The following USP25 variants were observed in gnomAD, a reference collection of about 807,000 sequenced individuals.
The protein encoded by USP25 is ubiquitin specific peptidase 25.
In USP25, 85 loss-of-function variants were observed where a neutral mutation model predicts 158.5. That is an observed-to-expected ratio of 0.54 (90% confidence interval 0.45 to 0.64). The LOEUF is 0.64. Ranked by LOEUF, USP25 falls within the 30% of genes least tolerant of loss-of-function variation. The pLI, the probability that USP25 is intolerant of heterozygous loss-of-function variation, is 0.00. For synonymous variants in USP25, 464 were observed against 460.4 expected (o/e 1.01, Z -0.10); for missense variants, 1,242 against 1,327.3 (o/e 0.94, Z 1.00).
chr21:15,846,148 A>T (rs1568882574), intron 18 of USP25, among the ~76,000 whole-genome samples: 5 of 60,670 alleles, frequency 8.2e-5, no homozygotes, highest in African/African-American at 2.6e-4. Flanking sequence ...ATATATATAT[A>T]TATATATATA....
At chr21:15,791,394 C>G in intron 4 of USP25, 108 bp from the exon 5 acceptor site, 1 of 1,192,476 alleles carries the variant, frequency 8.4e-7, no homozygotes, top group Non-Finnish European at 1.1e-6. Flanking sequence ...ATTATTTCTT[C>G]AAATACATTA....
At chr21:15,743,314 G>T (rs531185826) in intron 1 of USP25, among the ~76,000 whole-genome samples, 2 of 152,300 alleles carry the variant, frequency 1.3e-5, no homozygotes, top group African/African-American at 4.8e-5. Flanking sequence ...GCCGTTCTTT[G>T]TTCCCACCGT....
At chr21:15,791,095 G>T (rs1256267446) in intron 4 of USP25, among the ~76,000 whole-genome samples, 2 of 151,716 alleles carry the variant, frequency 1.3e-5, no homozygotes, top group African/African-American at 4.8e-5. Context: ...AGTGCAACTT[G>T]TTCAGTTTTT....
chr21:15,827,280 C>G, intron 14 of USP25, 77 bp downstream of exon 14: 1 of 1,188,134 alleles, frequency 8.4e-7, no homozygotes, highest in South Asian at 1.4e-5. Flanking sequence ...AGGGAAATCA[C>G]GTCTGGATTT....
intron 1 of USP25, among the ~76,000 whole-genome samples, chr21:15,732,612 C>A (rs574485416): frequency 6.6e-6 from 1 of 152,264 alleles, no homozygotes; most frequent in African/African-American, 2.4e-5. Context: ...AGCCAGTTTT[C>A]TTCTCACCTT....
At chr21:15,849,609 T>C (rs2038791528) in intron 19 of USP25, among the ~76,000 whole-genome samples, 168 bp from the exon 20 acceptor site, 1 of 152,206 alleles carries the variant, frequency 6.6e-6, no homozygotes, top group Admixed American at 6.5e-5. Context: ...AGCTGTGCCC[T>C]GTATGGATGA....
At chr21:15,784,327 C>CT (rs1166367908) in intron 4 of USP25, among the ~76,000 whole-genome samples, 3 of 152,116 alleles carry the variant, frequency 2.0e-5, no homozygotes, top group African/African-American at 7.2e-5. Flanking sequence ...AATGCCAGCA[C>CT]TTTCGGAGGC....
chr21:15,764,530 A>G (rs2123416868), intron 2 of USP25, among the ~76,000 whole-genome samples: 1 of 152,174 alleles, frequency 6.6e-6, no homozygotes, highest in South Asian at 2.1e-4. Flanking sequence ...CTGTAATGTC[A>G]TTGATTAATT....
At chr21:15,776,394 ATCT>A (rs1368697521) in intron 3 of USP25, among the ~76,000 whole-genome samples, 2 of 152,208 alleles carry the variant, frequency 1.3e-5, no homozygotes, top group East Asian at 1.9e-4. Context: ...CATATTTTAA[ATCT>A]TCTTACAAGC....
chr21:15,785,512 C>G (rs1310089265), intron 4 of USP25, among the ~76,000 whole-genome samples: 1 of 152,076 alleles, frequency 6.6e-6, no homozygotes. Flanking sequence ...AAATCAACAA[C>G]AAGAAAAACG....
intron 9 of USP25, among the ~76,000 whole-genome samples, chr21:15,813,636 A>G (rs2036786202): frequency 6.6e-6 from 1 of 151,982 alleles, no homozygotes; most frequent in South Asian, 2.1e-4. Context: ...TTTCTTTCTC[A>G]TCAATATTTA....
In USP25 at chr21:15,842,500, A is replaced by T; in HGVS notation, c.2297A>T (p.His766Leu). Reference protein sequence around the residue: ...ETIQIITKASHEHEDKSPETV... With the variant: ...ETIQIITKASLEHEDKSPETV... ...ATTCAAATAATTACCAAGGCATCAC[A>T]TGAGCATGAAGATAAAAGTCCTGAA... Residue 766 changes from histidine (H) to leucine (L), a missense_variant, in exon 18 of 26, where the codon CAT becomes CTT. By Grantham distance (99) the His-to-Leu change is moderately conservative (BLOSUM62 -3). Around this residue, in one of 3 missense-constraint regions of USP25, gnomAD observed 608 missense variants for 605.2 expected, o/e 1.00. Transcript: ENST00000400183. 6.2e-7 allele frequency: 1 copy of T among 1,613,774 alleles called. No individual in the cohort carries two copies. Among genetic ancestry groups the T allele is most frequent in the Non-Finnish European group, 8.5e-7 (1 of 1,179,732 alleles).
chr21:15,805,284 A>G, intron 7 of USP25, 26 bp downstream of exon 7: 2 of 1,557,048 alleles, frequency 1.3e-6, no homozygotes, highest in South Asian at 2.5e-5. Context: ...TGACTTGTTC[A>G]TTAACCATTT....
chr21:15,877,666 C>T, intron 24 of USP25, 130 bp from the exon 25 acceptor site: 1 of 666,014 alleles, frequency 1.5e-6, no homozygotes, highest in Non-Finnish European at 2.4e-6. Flanking sequence ...AGATTGTTTT[C>T]TCTAAATACC....
chr21:15,851,572 ATAT>A (rs1232705597), intron 20 of USP25, among the ~76,000 whole-genome samples: 2 of 151,988 alleles, frequency 1.3e-5, no homozygotes, highest in South Asian at 2.1e-4. Flanking sequence ...TGCATTTGTA[ATAT>A]TATTATGTAT....
chr21:15,775,360 T>C (rs1357385234), intron 3 of USP25, among the ~76,000 whole-genome samples: 1 of 152,120 alleles, frequency 6.6e-6, no homozygotes, highest in African/African-American at 2.4e-5. Context: ...TTAGGTTCTT[T>C]AAAAAATCAC....
intron 1 of USP25, among the ~76,000 whole-genome samples, chr21:15,756,024 G>A (rs1412983472): frequency 6.6e-6 from 1 of 152,128 alleles, no homozygotes; most frequent in Non-Finnish European, 1.5e-5. Flanking sequence ...GAACTGTACT[G>A]CAAACAAAAG....
Position 15,730,359 on chromosome 21 carries a change from C to T in USP25, c.-35C>T, listed in dbSNP as rs1269732411. On this transcript the variant is annotated 5_prime_UTR_variant, in exon 1 of 26. Coordinates refer to ENST00000400183, the MANE Select transcript of USP25 (RefSeq NM_001283041.3). ...CGGCGGAGGCGCGAGGAGCCGGGCGCCACCGCCGCCGCCGCCGCCGCCGCC... is the reference window on the plus strand; with the variant it reads ...CGGCGGAGGCGCGAGGAGCCGGGCGTCACCGCCGCCGCCGCCGCCGCCGCC... The T allele has an allele frequency of 3.8e-5, 45 of 1,173,078 alleles. No homozygotes were observed. Among genetic ancestry groups the T allele is most frequent in the Middle Eastern group, 3.2e-4 (1 of 3,078 alleles). The allele number at this position is 1,173,078 out of a possible 1,614,324, so 72.7% of individuals were successfully genotyped here.
chr21:15,870,240 A>T, intron 23 of USP25, 93 bp downstream of exon 23: 1 of 785,554 alleles, frequency 1.3e-6, no homozygotes, highest in Non-Finnish European at 2.0e-6. Context: ...TTTTATTCAT[A>T]CTCTGTATTT....
Sources: allele counts gnomAD v4.1 joint callset (sites outside exome capture counted in the v4.1 genomes callset), GRCh38; gene constraint gnomAD v4.1.1; regional missense constraint gnomAD v4.1.1; transcripts MANE v1.5; gene names NCBI Gene and HGNC (gene_info 2026-07-23, HGNC 2026-07-21).